Variants in AHI1 observed in about 807,000 individuals in gnomAD.
The protein encoded by AHI1 is jouberin.
In AHI1, 123 loss-of-function variants were observed where a neutral mutation model predicts 149.3. The observed-to-expected ratio is 0.82, with a 90% confidence interval of 0.71 to 0.96. The LOEUF (loss-of-function observed/expected upper bound fraction) is 0.96. Among genes scored for constraint, AHI1 ranks in the 40% least tolerant of loss-of-function variants. The pLI is 0.00. For missense variants in AHI1, 1,439 were observed against 1,422.7 expected (o/e 1.01, Z -0.18); for synonymous variants, 475 against 459.8 (o/e 1.03, Z -0.42).
chr6:135,300,793 A>G, intron 26 of AHI1: 1 of 1,138,718 alleles, frequency 8.8e-7, no homozygotes, highest in Non-Finnish European at 1.1e-6. Context: ...TTTATAAGTA[A>G]AGTCAGCTTT....
intron 21 of AHI1, among the ~76,000 whole-genome samples, chr6:135,408,826 G>C (rs916889773): frequency 1.3e-5 from 2 of 152,142 alleles, no homozygotes; most frequent in South Asian, 4.1e-4. Flanking sequence ...TCTACTAGAA[G>C]TATGGTCAAA....
At chr6:135,338,917 CTCATCTTTCCT>C (rs1349063638) in intron 24 of AHI1, among the ~76,000 whole-genome samples, 2 of 151,290 alleles carry the variant, frequency 1.3e-5, no homozygotes, top group Admixed American at 6.6e-5. Context: ...ATTCCCAGAG[CTCATCTTTCCT>C]TTTTTTTTTT....
In AHI1 at chr6:135,344,926, T is replaced by TCACACACACACACACACACA. The variant is rs59084001; in HGVS notation, c.3165+13186_3165+13205dup. Among the ~76,000 whole-genome samples, 107 of 145,798 alleles carry TCACACACACACACACACACA rather than the reference T, an allele frequency of 7.3e-4. 1 individual carries two copies. The highest frequency in any genetic ancestry group is 2.1e-3 in the African/African-American group (81 of 39,152). ...TCAGTTTATTGAAATAAGCTCTGAT[T>TCACACACACACACACACACA]CACACACACACACACACACACACAC... On this transcript the variant is annotated intron_variant, in intron 24 of 28. Coordinates refer to ENST00000265602, the MANE Select transcript of AHI1 (RefSeq NM_001134831.2).
rs541535135 is a variant in AHI1, at chr6:135,407,843, TCTACTAAAAATACAAAAAGC to T, written c.2962-2886_2962-2867del. Among the ~76,000 whole-genome samples, 1,417 of 151,970 alleles carry T rather than the reference TCTACTAAAAATACAAAAAGC, an allele frequency of 9.3e-3. 25 individuals are homozygous for T. The highest frequency in any genetic ancestry group is 0.031 in the African/African-American group (1,297 of 41,454). On this transcript the variant is annotated intron_variant, in intron 21 of 28. Coordinates refer to ENST00000265602, the MANE Select transcript of AHI1 (RefSeq NM_001134831.2). Reference sequence around the variant, plus strand: ...CTGGCTAACACGGTGAAACCCCGTCTCTACTAAAAATACAAAAAGCCTACTAAAAATACAAAAAAAAATTA... The same window carrying T: ...CTGGCTAACACGGTGAAACCCCGTCTCTACTAAAAATACAAAAAAAAATTA...
At chr6:135,490,450 C>G in intron 5 of AHI1, 173 bp downstream of exon 5, 1 of 742,602 alleles carries the variant, frequency 1.3e-6, no homozygotes, top group Admixed American at 2.6e-5. Context: ...TCAATATTCT[C>G]ACAGTGATGT....
chr6:135,402,718 C>T (rs1295053489), intron 22 of AHI1, among the ~76,000 whole-genome samples: 1 of 152,172 alleles, frequency 6.6e-6, no homozygotes, highest in Non-Finnish European at 1.5e-5. Context: ...TGATGATTCA[C>T]TTTGCTTAAT....
At chr6:135,495,160 C>T (rs1795794747) in intron 3 of AHI1, among the ~76,000 whole-genome samples, 2 of 149,110 alleles carry the variant, frequency 1.3e-5, no homozygotes, top group East Asian at 3.9e-4. Context: ...AGATTGTTTC[C>T]ACGCCGCTAT....
In AHI1 at chr6:135,448,459, C is replaced by A; in HGVS notation, c.1457G>T (p.Gly486Val). The A allele has an allele frequency of 6.6e-7, 1 of 1,515,832 alleles. No individual in the cohort carries two copies. Among genetic ancestry groups the A allele is most frequent in the Non-Finnish European group, 9.0e-7 (1 of 1,115,344 alleles). The allele number at this position is 1,515,832 out of a possible 1,614,324, so 93.9% of individuals were successfully genotyped here. ...AAGTTTTGAGTTGATGTTTGCATTT[C>A]CATTGGCTCCCAGAAGCTTAAAATA... is the stretch of plus-strand genomic sequence containing the variant. ...WAFLKLLGAN[G>V]NANINSKLRL... Residue 486 changes from glycine (G) to valine (V), a missense_variant, in exon 12 of 29, where the codon GGA (glycine) becomes GTA (valine). Transcript: ENST00000265602.
intron 18 of AHI1, among the ~76,000 whole-genome samples, chr6:135,429,146 CAT>C (rs1273584776): frequency 6.6e-6 from 1 of 151,556 alleles, no homozygotes; most frequent in Non-Finnish European, 1.5e-5. Context: ...TTTTTATACT[CAT>C]ATATTCTTCT....
chr6:135,434,331 T>C (rs1254350599), intron 15 of AHI1, among the ~76,000 whole-genome samples: 1 of 151,912 alleles, frequency 6.6e-6, no homozygotes, highest in Non-Finnish European at 1.5e-5. Flanking sequence ...TGTTTTCGAG[T>C]AAAAATAAAG....
chr6:135,424,651 C>A (rs562249574), intron 20 of AHI1, among the ~76,000 whole-genome samples: 5 of 152,020 alleles, frequency 3.3e-5, no homozygotes, highest in Middle Eastern at 6.8e-3. Context: ...AAGACCACAA[C>A]CTGAACATAT....
chr6:135,360,641 G>A (rs1793716396), intron 23 of AHI1, among the ~76,000 whole-genome samples: 1 of 151,874 alleles, frequency 6.6e-6, no homozygotes, highest in Non-Finnish European at 1.5e-5. Flanking sequence ...TTACTTTCTG[G>A]GACATATGAA....
At chr6:135,396,243 C>G (rs143625917) in intron 22 of AHI1, among the ~76,000 whole-genome samples, 78 of 151,820 alleles carry the variant, frequency 5.1e-4, no homozygotes, top group African/African-American at 1.8e-3. Flanking sequence ...TTTAAAAATT[C>G]TATCAAAATC....
intron 26 of AHI1, among the ~76,000 whole-genome samples, chr6:135,315,241 G>T (rs1785765775): frequency 6.6e-6 from 1 of 152,046 alleles, no homozygotes; most frequent in Admixed American, 6.6e-5. Flanking sequence ...TTTCACTTCA[G>T]CTTTTATACA....
chr6:135,339,469 CCAAA>C (rs769114097), intron 24 of AHI1, among the ~76,000 whole-genome samples: 13 of 151,846 alleles, frequency 8.6e-5, no homozygotes, highest in Non-Finnish European at 1.3e-4. Flanking sequence ...ATGTACCTCA[CCAAA>C]CAAACAAACA....
At chr6:135,436,944 G>C (rs143736277) in intron 15 of AHI1, among the ~76,000 whole-genome samples, 1 of 152,314 alleles carries the variant, frequency 6.6e-6, no homozygotes, top group East Asian at 1.9e-4. Context: ...AATCAATAGA[G>C]AGAAAGATAT....
intron 20 of AHI1, among the ~76,000 whole-genome samples, chr6:135,424,672 G>A (rs945023857): frequency 6.6e-6 from 1 of 151,894 alleles, no homozygotes; most frequent in Non-Finnish European, 1.5e-5. Flanking sequence ...GTTTACCAGG[G>A]AAAGATGCTT....
Position 135,316,223 on chromosome 6 carries a change from G to A in AHI1, c.3426+2296C>T, listed in dbSNP as rs114936543. ...TGTCCTTGGTGTCCTTTCTTTATCT[G>A]TCTTCAACCTGAACCTGTCTATTGG... On this transcript the variant is annotated intron_variant, in intron 26 of 28. Transcript: ENST00000265602. Among the ~76,000 whole-genome samples, 534 of 152,146 alleles carry A rather than the reference G, an allele frequency of 3.5e-3. 5 individuals are homozygous for A. The highest frequency in any genetic ancestry group is 0.012 in the African/African-American group (508 of 41,510).
At chr6:135,331,714 G>C (rs1376957461) in intron 24 of AHI1, among the ~76,000 whole-genome samples, 2 of 152,134 alleles carry the variant, frequency 1.3e-5, no homozygotes, top group Non-Finnish European at 2.9e-5. Context: ...GCTAAGCACT[G>C]AATAAATTCA....
Sources: gnomAD v4.1 joint callset for allele counts (sites outside exome capture counted in the v4.1 genomes callset) on GRCh38, gnomAD v4.1.1 for gene constraint, MANE v1.5 for transcripts, NCBI Gene and HGNC (gene_info 2026-07-23, HGNC 2026-07-21) for gene names.